ADCY2: variants seen among roughly 807,000 people sequenced by gnomAD.
ADCY2 encodes the protein adenylate cyclase 2.
ADCY2 carries 31 observed loss-of-function variants against 125.2 expected under a neutral mutation model. The ratio of observed to expected loss-of-function variants is 0.25; its 90% CI spans 0.19 to 0.33. ADCY2 has a LOEUF of 0.33. Among genes scored for constraint, ADCY2 ranks in the 10% least tolerant of loss-of-function variants. The pLI is 1.00. For synonymous variants in ADCY2, 512 were observed against 548.4 expected (o/e 0.93, Z 0.93); for missense variants, 904 against 1,418.2 (o/e 0.64, Z 5.82).
intron 14 of ADCY2, among the ~76,000 whole-genome samples, chr5:7,737,006 C>A (rs1182884700): frequency 1.3e-5 from 2 of 151,118 alleles, no homozygotes; most frequent in African/African-American, 4.9e-5. Flanking sequence ...CAAGTAAAAA[C>A]TTTTTTTTTG....
chr5:7,515,610 G>A (rs954803641), intron 2 of ADCY2, among the ~76,000 whole-genome samples: 3 of 152,200 alleles, frequency 2.0e-5, no homozygotes, highest in African/African-American at 7.2e-5. Flanking sequence ...ATAGCTAATG[G>A]CGAGTCCAGT....
chr5:7,451,720 G>A (rs775092825), intron 2 of ADCY2, among the ~76,000 whole-genome samples: 22 of 152,136 alleles, frequency 1.4e-4, no homozygotes, highest in Non-Finnish European at 1.5e-4. Flanking sequence ...GTACATGGAT[G>A]TGGCAAACTT....
chr5:7,817,116 C>A, intron 23 of ADCY2, 136 bp downstream of exon 23: 4 of 658,702 alleles, frequency 6.1e-6, no homozygotes, highest in Non-Finnish European at 1.1e-5. Flanking sequence ...GACTGGATGA[C>A]AGAAGGAAGG....
intron 3 of ADCY2, among the ~76,000 whole-genome samples, chr5:7,591,903 T>A (rs1736860101): frequency 6.6e-6 from 1 of 152,242 alleles, no homozygotes; most frequent in Non-Finnish European, 1.5e-5. Context: ...GCCATTTGGA[T>A]TTCCTTGTCT....
intron 20 of ADCY2, chr5:7,796,906 C>T (rs2086196752): frequency 6.6e-6 from 1 of 152,238 alleles, no homozygotes; most frequent in African/African-American, 2.4e-5. Flanking sequence ...CGTGCCAAGT[C>T]CCCGGGTGGT....
chr5:7,788,951 G>T (rs568322057), intron 19 of ADCY2, among the ~76,000 whole-genome samples: 2 of 152,332 alleles, frequency 1.3e-5, no homozygotes, highest in African/African-American at 4.8e-5. Flanking sequence ...AAGACTCTTT[G>T]TCAGTAATTG....
rs10066027 is a variant in ADCY2, at chr5:7,655,708, C to T, written c.720+29392C>T. ...TCATCTGGGCATGCCGTGGCCCAGT[C>T]AAGTGGACATGTAGAATTAACCATC... is the stretch of plus-strand genomic sequence containing the variant. On this transcript the variant is annotated intron_variant, in intron 4 of 24. Coordinates refer to ENST00000338316, the MANE Select transcript of ADCY2 (RefSeq NM_020546.3). Among the ~76,000 whole-genome samples, 335 of 152,302 alleles carry T rather than the reference C, an allele frequency of 2.2e-3. 1 individual carries two copies. Among genetic ancestry groups the T allele is most frequent in the African/African-American group, 7.6e-3 (316 of 41,562 alleles).
intron 3 of ADCY2, among the ~76,000 whole-genome samples, chr5:7,612,997 C>A (rs1244513279): frequency 6.6e-6 from 1 of 152,024 alleles, no homozygotes; most frequent in African/African-American, 2.4e-5. Context: ...GTCCTCCAGC[C>A]CTCCAGCCTG....
chr5:7,789,613 T>C (rs1173122121), intron 19 of ADCY2, 29 bp from the exon 20 acceptor site: 2 of 1,601,506 alleles, frequency 1.2e-6, no homozygotes, highest in Non-Finnish European at 1.7e-6. Context: ...TGCCTATTGT[T>C]TCTTTACCTC....
chr5:7,413,451 G>A (rs970117953), intron 1 of ADCY2, among the ~76,000 whole-genome samples: 1 of 149,634 alleles, frequency 6.7e-6, no homozygotes, highest in Admixed American at 6.6e-5. Context: ...CTGCCACCAC[G>A]CGCGGCTAAT....
chr5:7,444,114 T>C (rs1390482821), intron 2 of ADCY2, among the ~76,000 whole-genome samples: 17 of 114,088 alleles, frequency 1.5e-4, no homozygotes, highest in African/African-American at 4.9e-4. Flanking sequence ...TTTATCTCTT[T>C]TTTTTTTTTT....
chr5:7,520,963 GCTGCTGGC>G, intron 3 of ADCY2, 64 bp downstream of exon 3: 1 of 1,592,016 alleles, frequency 6.3e-7, no homozygotes, highest in Non-Finnish European at 8.6e-7. Context: ...TGAGGCAGGT[GCTGCTGGC>G]CCATTCAGGG....
In ADCY2 at chr5:7,445,355, C is replaced by T. The variant is rs902370849; in HGVS notation, c.408+30585C>T. On this transcript the variant is annotated intron_variant, in intron 2 of 24. Transcript: ENST00000338316. ...CACCCTGCTTTCCTGTGCTTCATCT[C>T]CACTTGCACTCAGGTCATTTCATCG... Among the ~76,000 whole-genome samples, 2 of 152,234 alleles carry T rather than the reference C, an allele frequency of 1.3e-5. 1 individual carries two copies. The highest frequency in any genetic ancestry group is 2.9e-5 in the Non-Finnish European group (2 of 68,050).
At chr5:7,617,322 C>T (rs957957155) in intron 3 of ADCY2, among the ~76,000 whole-genome samples, 2 of 152,090 alleles carry the variant, frequency 1.3e-5, no homozygotes, top group African/African-American at 4.8e-5. Flanking sequence ...ATAAAATAGG[C>T]CAAGTCACAG....
intron 2 of ADCY2, among the ~76,000 whole-genome samples, chr5:7,503,893 G>C (rs1743697298): frequency 1.3e-5 from 2 of 152,192 alleles, no homozygotes; most frequent in Non-Finnish European, 2.9e-5. Flanking sequence ...ATTTCAAGGA[G>C]AGAGAACAGA....
intron 7 of ADCY2, 107 bp from the exon 8 acceptor site, chr5:7,706,637 C>A: frequency 2.2e-6 from 3 of 1,340,600 alleles, no homozygotes; most frequent in Non-Finnish European, 3.1e-6. Flanking sequence ...ATGGTCATTT[C>A]CGACAGTTTG....
chr5:7,553,358 C>G (rs1735399851), intron 3 of ADCY2, among the ~76,000 whole-genome samples: 1 of 152,194 alleles, frequency 6.6e-6, no homozygotes, highest in African/African-American at 2.4e-5. Context: ...GGCTGCTGGC[C>G]TTTGACCTGG....
chr5:7,668,024 A>T (rs976374347), intron 4 of ADCY2, among the ~76,000 whole-genome samples: 6 of 152,228 alleles, frequency 3.9e-5, no homozygotes, highest in Non-Finnish European at 8.8e-5. Context: ...TTTCAACACA[A>T]ACAACTCCAG....
At chr5:7,658,255 G>A (rs1444300310) in intron 4 of ADCY2, 1 of 152,234 alleles carries the variant, frequency 6.6e-6, no homozygotes, top group African/African-American at 2.4e-5. Flanking sequence ...TATAGTTGCT[G>A]TCCTCTCCAG....
Sources: gnomAD v4.1 joint callset for allele counts (sites outside exome capture counted in the v4.1 genomes callset) on GRCh38, gnomAD v4.1.1 for gene constraint, MANE v1.5 for transcripts, NCBI Gene and HGNC (gene_info 2026-07-23, HGNC 2026-07-21) for gene names.